The following SLC45A2 variants were observed in gnomAD, a reference collection of about 807,000 sequenced individuals.
SLC45A2 encodes membrane-associated transporter protein.
SLC45A2 carries 36 observed loss-of-function variants against 45.5 expected under a neutral mutation model. The observed-to-expected ratio is 0.79, with a 90% CI of 0.61 to 1.04. The LOEUF is 1.04. Ranked by LOEUF, SLC45A2 falls within the 50% of genes least tolerant of loss-of-function variation. SLC45A2 has a pLI of 0.00. For missense variants in SLC45A2, 719 were observed against 671.0 expected (o/e 1.07, Z -0.79); for synonymous variants, 306 against 269.3 (o/e 1.14, Z -1.33).
At chr5:33,973,157 G>T (rs1752833925) in intron 2 of SLC45A2, among the ~76,000 whole-genome samples, 1 of 152,194 alleles carries the variant, frequency 6.6e-6, no homozygotes, top group Admixed American at 6.5e-5. Flanking sequence ...ACCTGGGAAA[G>T]CACTTTCGAG....
chr5:33,947,070 T>C, intron 6 of SLC45A2, 93 bp downstream of exon 6: 2 of 1,613,056 alleles, frequency 1.2e-6, no homozygotes, highest in Admixed American at 3.3e-5. Context: ...AACCCTTATT[T>C]TCCAGCTCTG....
chr5:33,977,160 G>A (rs1009386639), intron 2 of SLC45A2, among the ~76,000 whole-genome samples: 3 of 152,214 alleles, frequency 2.0e-5, no homozygotes, highest in Non-Finnish European at 4.4e-5. Flanking sequence ...CAGCAAGAAG[G>A]CGGCTGTCTG....
rs1752218845 is a variant in SLC45A2, at chr5:33,954,512, A to C, written c.889-8T>G. On this transcript the variant is annotated splice_region_variant and splice_polypyrimidine_tract_variant and intron_variant, in intron 3 of 6. Coordinates refer to ENST00000296589, the MANE Select transcript of SLC45A2 (RefSeq NM_016180.5). ...TGTCATTGCCCTGCGAGTCTGAAAT[A>C]AAACATGAAACAGAGGTGTGATCTT... 1 of 1,613,394 alleles carries C rather than the reference A, an allele frequency of 6.2e-7. No homozygotes were observed. The highest frequency in any genetic ancestry group is 1.7e-5 in the Admixed American group (1 of 59,940).
intron 2 of SLC45A2, among the ~76,000 whole-genome samples, chr5:33,979,076 T>C (rs1388852359): frequency 1.3e-5 from 2 of 152,210 alleles, no homozygotes; most frequent in Non-Finnish European, 2.9e-5. Context: ...AAGAGATATA[T>C]TCTGAGCCAA....
chr5:33,969,714 G>A (rs1337623411), intron 2 of SLC45A2, among the ~76,000 whole-genome samples: 4 of 152,144 alleles, frequency 2.6e-5, no homozygotes, highest in Non-Finnish European at 5.9e-5. Flanking sequence ...TCCCTTAGGC[G>A]GCGATGGTCT....
chr5:33,970,787 T>C (rs934158874), intron 2 of SLC45A2: 2 of 262,322 alleles, frequency 7.6e-6, no homozygotes, highest in Non-Finnish European at 1.5e-5. Flanking sequence ...GGAAACACAA[T>C]GTTCTTGTAC....
chr5:33,948,213 C>T (rs947003768), intron 5 of SLC45A2, among the ~76,000 whole-genome samples: 1 of 152,224 alleles, frequency 6.6e-6, no homozygotes, highest in African/African-American at 2.4e-5. Flanking sequence ...TGACTTTTAA[C>T]TGGGTTCCTC....
At chr5:33,951,068 T>A (rs1330347685) in intron 5 of SLC45A2, among the ~76,000 whole-genome samples, 1 of 152,194 alleles carries the variant, frequency 6.6e-6, no homozygotes, top group Non-Finnish European at 1.5e-5. Flanking sequence ...AAGCCAGCTG[T>A]CCCCAATCCT....
chr5:33,965,909 C>G (rs1312309445), intron 2 of SLC45A2, among the ~76,000 whole-genome samples: 2 of 152,186 alleles, frequency 1.3e-5, no homozygotes, highest in Admixed American at 6.5e-5. Flanking sequence ...AGTTTAGAAC[C>G]CCTGACCTAA....
chr5:33,947,468 TAGACA>T, intron 5 of SLC45A2, 94 bp from the exon 6 acceptor site: 1 of 1,199,296 alleles, frequency 8.3e-7, no homozygotes, highest in Non-Finnish European at 1.2e-6. Context: ...TTCACCTTTT[TAGACA>T]TCCTTTGATA....
intron 2 of SLC45A2, among the ~76,000 whole-genome samples, chr5:33,967,804 AC>A: frequency 6.7e-6 from 1 of 148,730 alleles, no homozygotes. Context: ...ACACACACAC[AC>A]ACACACACAC....
chr5:33,959,409 G>T (rs1752377255), intron 3 of SLC45A2, among the ~76,000 whole-genome samples: 1 of 152,158 alleles, frequency 6.6e-6, no homozygotes, highest in Non-Finnish European at 1.5e-5. Flanking sequence ...GCTTCTTGGT[G>T]AAGGAGAGTC....
At position 33,963,809 on chromosome 5, in the gene SLC45A2, T is replaced by A; in HGVS notation, c.770A>T (p.Asp257Val). Residue 257 changes from aspartate (D) to valine (V), a missense_variant, in exon 3 of 7, where the codon GAC becomes GTC. Transcript: ENST00000296589. The stretch of plus-strand genomic sequence containing the variant: ...CATTCCATCTGATGACAATGGAGGG[T>A]CCTGAGGGGTTTGCTGTGGGGGAAT... ...KGIPPQQTPQ[D>V]PPLSSDGMYE... 1 of 1,614,080 alleles carries A rather than the reference T, an allele frequency of 6.2e-7. No individual in the cohort carries two copies.
At chr5:33,947,468 T>TTTTTTTTTTTTTTTG in intron 5 of SLC45A2, 94 bp from the exon 6 acceptor site, 1 of 1,199,294 alleles carries the variant, frequency 8.3e-7, no homozygotes, top group Non-Finnish European at 1.2e-6. Flanking sequence ...TTCACCTTTT[T>TTTTTTTTTTTTTTTG]AGACATCCTT....
intron 6 of SLC45A2, among the ~76,000 whole-genome samples, chr5:33,945,326 T>C (rs1751886793): frequency 6.6e-6 from 1 of 152,252 alleles, no homozygotes; most frequent in Non-Finnish European, 1.5e-5. Context: ...AAATATCCCA[T>C]TCTTTTCCTT....
chr5:33,974,717 G>A (rs1463969948), intron 2 of SLC45A2, among the ~76,000 whole-genome samples: 1 of 152,182 alleles, frequency 6.6e-6, no homozygotes, highest in African/African-American at 2.4e-5. Flanking sequence ...TTCATTCAGA[G>A]TGAGGATACC....
At chr5:33,981,432 G>A (rs1023898976) in intron 2 of SLC45A2, among the ~76,000 whole-genome samples, 1 of 152,194 alleles carries the variant, frequency 6.6e-6, no homozygotes, top group African/African-American at 2.4e-5. Flanking sequence ...AAAGGCATTG[G>A]CTGGGCTACA....
chr5:33,974,699 T>A (rs1752874212), intron 2 of SLC45A2, among the ~76,000 whole-genome samples: 1 of 152,224 alleles, frequency 6.6e-6, no homozygotes, highest in Non-Finnish European at 1.5e-5. Flanking sequence ...CATCTTTTAA[T>A]GCAGTTTTTC....
intron 4 of SLC45A2, among the ~76,000 whole-genome samples, chr5:33,952,067 T>G (rs890479937): frequency 1.3e-5 from 2 of 152,122 alleles, no homozygotes; most frequent in Non-Finnish European, 2.9e-5. Flanking sequence ...TTCCTCTAAC[T>G]CCTACTCACC....
Sources: allele counts gnomAD v4.1 joint callset (sites outside exome capture counted in the v4.1 genomes callset), GRCh38; gene constraint gnomAD v4.1.1; transcripts MANE v1.5; gene names NCBI Gene and HGNC (gene_info 2026-07-23, HGNC 2026-07-21).